The following GRIK2 variants were observed in gnomAD, a reference collection of about 807,000 sequenced individuals.
GRIK2 encodes glutamate receptor ionotropic, kainate 2.
Under a neutral mutation model 100.3 loss-of-function variants are expected in GRIK2, and 32 were observed. The ratio of observed to expected loss-of-function variants is 0.32; its 90% CI spans 0.24 to 0.43. GRIK2 has a LOEUF of 0.43. Among genes scored for constraint, GRIK2 ranks in the 20% least tolerant of loss-of-function variants. GRIK2 has a pLI of 1.00. For missense variants in GRIK2, 843 were observed against 1,114.9 expected (o/e 0.76, Z 3.47); for synonymous variants, 417 against 389.4 (o/e 1.07, Z -0.83).
chr6:101,583,059 CAG>C (rs1272782977), intron 2 of GRIK2, among the ~76,000 whole-genome samples: 1 of 152,010 alleles, frequency 6.6e-6, no homozygotes, highest in East Asian at 1.9e-4. Context: ...GGAGGCATAA[CAG>C]AGAAAGGCCA....
intron 2 of GRIK2, among the ~76,000 whole-genome samples, chr6:101,516,223 A>T (rs1431042659): frequency 6.6e-6 from 1 of 152,114 alleles, no homozygotes; most frequent in African/African-American, 2.4e-5. Flanking sequence ...TCTTCACAGA[A>T]TTAGAAAAAA....
chr6:101,552,054 G>A (rs1776537586), intron 2 of GRIK2, among the ~76,000 whole-genome samples: 1 of 152,080 alleles, frequency 6.6e-6, no homozygotes, highest in South Asian at 2.1e-4. Context: ...TAGAGTAATT[G>A]GGAATGGGTG....
chr6:101,528,794 C>T (rs1775278819), intron 2 of GRIK2, among the ~76,000 whole-genome samples: 2 of 152,134 alleles, frequency 1.3e-5, no homozygotes, highest in South Asian at 4.1e-4. Context: ...TGTCCAGAAA[C>T]CATAACTCAT....
At chr6:101,861,716 G>A (rs922950920) in intron 11 of GRIK2, among the ~76,000 whole-genome samples, 1 of 151,910 alleles carries the variant, frequency 6.6e-6, no homozygotes, top group East Asian at 1.9e-4. Flanking sequence ...AACATTTTTG[G>A]ACCTTCTTAT....
chr6:101,398,549 C>CT (rs910867394), intron 1 of GRIK2, among the ~76,000 whole-genome samples: 2 of 152,166 alleles, frequency 1.3e-5, no homozygotes, highest in Non-Finnish European at 2.9e-5. Flanking sequence ...AGATCACTTT[C>CT]TTTTTTACAG....
intron 11 of GRIK2, among the ~76,000 whole-genome samples, chr6:101,886,822 T>G: frequency 9.6e-5 from 1 of 10,440 alleles, no homozygotes; most frequent in Non-Finnish European, 2.8e-4. Context: ...CTTTCTACCT[T>G]TTTTTTTTTT....
intron 13 of GRIK2, chr6:101,928,185 C>T (rs922504101): frequency 7.3e-5 from 39 of 531,226 alleles, no homozygotes; most frequent in East Asian, 1.5e-4. Context: ...TCAGGTAGAA[C>T]ATGAGTCTCC....
intron 2 of GRIK2, among the ~76,000 whole-genome samples, chr6:101,568,532 A>G (rs1310406181): frequency 1.3e-5 from 2 of 152,068 alleles, no homozygotes; most frequent in South Asian, 2.1e-4. Flanking sequence ...CCTCTAGCAT[A>G]TAGACTGTAC....
rs575752207 is a variant in GRIK2 at position 102,013,076 on chromosome 6, T to C, written c.2086-22265T>C. ...TTTTCCTATCTATGAGTATAGAATG[T>C]TTCTTTATTTGTTTGTGTCATCTTT... On this transcript the variant is annotated intron_variant, in intron 14 of 16. Transcript: ENST00000369134. Among the ~76,000 whole-genome samples, 20 of 152,308 alleles carry C rather than the reference T, an allele frequency of 1.3e-4. No individual in the cohort carries two copies. In the South Asian group the frequency reaches 4.1e-3, roughly 32 times the overall value.
intron 14 of GRIK2, among the ~76,000 whole-genome samples, chr6:101,999,895 C>T (rs868297118): frequency 6.6e-6 from 1 of 151,976 alleles, no homozygotes; most frequent in Non-Finnish European, 1.5e-5. Flanking sequence ...GGAACAATAG[C>T]TCGATTTATC....
chr6:101,571,521 G>A (rs1777531266), intron 2 of GRIK2, among the ~76,000 whole-genome samples: 1 of 151,956 alleles, frequency 6.6e-6, no homozygotes. Flanking sequence ...TTTGCAAAGG[G>A]AACAACTAAA....
chr6:101,955,610 C>CTG (rs1791878393), intron 14 of GRIK2, among the ~76,000 whole-genome samples: 1 of 129,266 alleles, frequency 7.7e-6, no homozygotes, highest in Non-Finnish European at 1.7e-5. Flanking sequence ...CTCTCTCTCT[C>CTG]TCTCTCCCCC....
At chr6:101,468,268 A>C in intron 2 of GRIK2, among the ~76,000 whole-genome samples, 1 of 152,174 alleles carries the variant, frequency 6.6e-6, no homozygotes, top group South Asian at 2.1e-4. Flanking sequence ...GAACTATAAC[A>C]GCAATGAGGT....
intron 2 of GRIK2, among the ~76,000 whole-genome samples, chr6:101,604,934 A>G (rs1168232970): frequency 2.0e-5 from 3 of 152,006 alleles, no homozygotes; most frequent in African/African-American, 7.2e-5. Flanking sequence ...GAGAAACGAC[A>G]AGAACAATAT....
intron 7 of GRIK2, among the ~76,000 whole-genome samples, chr6:101,706,974 G>A (rs184113579): frequency 6.2e-4 from 94 of 151,948 alleles, no homozygotes; most frequent in African/African-American, 2.2e-3. Flanking sequence ...TTGCTAAGAA[G>A]ATATGGATTT....
intron 2 of GRIK2, among the ~76,000 whole-genome samples, chr6:101,620,540 C>T (rs193296554): frequency 3.3e-5 from 5 of 152,182 alleles, no homozygotes; most frequent in African/African-American, 1.2e-4. Flanking sequence ...TACAACATTA[C>T]GACTTCTTAC....
At chr6:101,576,099 T>C (rs1777776159) in intron 2 of GRIK2, among the ~76,000 whole-genome samples, 1 of 152,090 alleles carries the variant, frequency 6.6e-6, no homozygotes, top group Non-Finnish European at 1.5e-5. Context: ...TATGATAGGA[T>C]ATTATATCAC....
At chr6:102,064,088 T>G in intron 16 of GRIK2, 1 of 873,922 alleles carries the variant, frequency 1.1e-6, no homozygotes, top group Non-Finnish European at 1.9e-6. Context: ...TTTTGTAGTC[T>G]GTTATATTAA....
At chr6:101,838,715 G>T (rs1783306130) in intron 10 of GRIK2, among the ~76,000 whole-genome samples, 1 of 150,052 alleles carries the variant, frequency 6.7e-6, no homozygotes, top group Non-Finnish European at 1.5e-5. Flanking sequence ...GCAATGGTGC[G>T]ATCTCGGCTC....
Sources: allele counts gnomAD v4.1 joint callset (sites outside exome capture counted in the v4.1 genomes callset), GRCh38; gene constraint gnomAD v4.1.1; transcripts MANE v1.5; gene names NCBI Gene and HGNC (gene_info 2026-07-23, HGNC 2026-07-21).